Variants in KLHL42 observed in about 807,000 individuals in gnomAD.
KLHL42 encodes kelch-like protein 42.
KLHL42 carries 27 observed loss-of-function variants against 32.7 expected under a neutral mutation model. The observed-to-expected ratio is 0.83, with a 90% CI of 0.61 to 1.14. KLHL42 has a LOEUF of 1.14. Among genes scored for constraint, KLHL42 ranks in the 50% most tolerant of loss-of-function variants. KLHL42 has a pLI of 0.00. For missense variants in KLHL42, 491 were observed against 560.8 expected (o/e 0.88, Z 1.26); for synonymous variants, 267 against 248.2 (o/e 1.08, Z -0.71).
chr12:27,784,786 A>G (rs538710406), intron 1 of KLHL42, among the ~76,000 whole-genome samples: 1 of 152,224 alleles, frequency 6.6e-6, no homozygotes, highest in Non-Finnish European at 1.5e-5. Flanking sequence ...TTTTCCCCAA[A>G]CCTAATGGGC....
chr12:27,788,489 T>C (rs1187776928), intron 1 of KLHL42, among the ~76,000 whole-genome samples: 1 of 152,230 alleles, frequency 6.6e-6, no homozygotes, highest in Non-Finnish European at 1.5e-5. Flanking sequence ...CTACTGTTAA[T>C]CCTTGAGATC....
Position 27,797,783 on chromosome 12 carries a change from G to A in KLHL42, c.1135G>A (p.Val379Ile), listed in dbSNP as rs1482201859. Residue 379 changes from valine (V) to isoleucine (I), a missense_variant, in exon 3 of 3, where the codon GTC becomes ATC. Val to Ile is a conservative substitution (Grantham distance 29). Transcript: ENST00000381271. ...GTGGACGCTCTTTGAAACATGTGAC[G>A]TCCACATTCGCAAGCAGCAGATGGT... ...DMWTLFETCD[V>I]HIRKQQMVSV... The A allele has an allele frequency of 5.3e-6, 4 of 754,004 alleles. No homozygotes were observed. Among genetic ancestry groups the A allele is most frequent in the South Asian group, 1.4e-5 (1 of 70,814 alleles). 46.7% of individuals were successfully genotyped at this position (754,004 alleles called of 1,614,324 possible). A position where few individuals can be genotyped will look rare whatever the true frequency, so the allele number is the denominator to read the frequency against.
intron 2 of KLHL42, among the ~76,000 whole-genome samples, chr12:27,796,329 G>A (rs779266185): frequency 6.6e-6 from 1 of 152,144 alleles, no homozygotes; most frequent in African/African-American, 2.4e-5. Context: ...GAGAAAACGA[G>A]CTGTCTTCTC....
At chr12:27,794,316 G>C (rs1365747067) in intron 2 of KLHL42, among the ~76,000 whole-genome samples, 12 of 152,144 alleles carry the variant, frequency 7.9e-5, no homozygotes, top group Admixed American at 7.9e-4. Context: ...TCCTTGGCTG[G>C]TGGCTCCATG....
intron 2 of KLHL42, among the ~76,000 whole-genome samples, chr12:27,794,034 A>ATG (rs2062208817): frequency 6.6e-6 from 1 of 152,254 alleles, no homozygotes; most frequent in Admixed American, 6.5e-5. Context: ...AGAAGTTAAA[A>ATG]TGTAAAGTAT....
rs2062144436 is a variant in KLHL42, at chr12:27,780,906, G to C, written c.576G>C (p.Gly192=). The part of the protein sequence containing the change: ...KQRLREARMT[G]TPVLVALGDF... ...GGCTGAGGGAGGCCCGGATGACTGGGACTCCTGTCCTCGTGGCCCTCGGGG... is the reference window on the plus strand; with the variant it reads ...GGCTGAGGGAGGCCCGGATGACTGGCACTCCTGTCCTCGTGGCCCTCGGGG... The change falls in exon 1 of 3, where the codon GGG becomes GGC. Residue 192 remains glycine (G), a synonymous_variant. Coordinates refer to ENST00000381271, the MANE Select transcript of KLHL42 (RefSeq NM_020782.2). This position sits in a 1 kb window ranked among gnomAD's most constrained non-coding sequence, Gnocchi z 8.8. 1.2e-6 allele frequency: 2 copies of C among 1,609,542 alleles called. No individual in the cohort carries two copies. Among genetic ancestry groups the C allele is most frequent in the East Asian group, 4.5e-5 (2 of 44,712 alleles).
Position 27,780,678 on chromosome 12 carries a change from C to G in KLHL42, c.348C>G (p.Ser116=), listed in dbSNP as rs768351141. The G allele has an allele frequency of 3.1e-6, 5 of 1,601,594 alleles. No individual in the cohort carries two copies. In the Admixed American group the frequency reaches 5.0e-5, roughly 16 times the overall value. The change falls in exon 1 of 3, where the codon TCC becomes TCG. Residue 116 remains serine (S), a synonymous_variant. Coordinates refer to ENST00000381271, the MANE Select transcript of KLHL42 (RefSeq NM_020782.2). This position sits in a 1 kb window ranked among gnomAD's most constrained non-coding sequence, Gnocchi z 8.8. ...VEAASFLQVT[S]LLQLLLSQVR... ...CGGCCTCCTTCCTGCAGGTCACGTC[C>G]CTGCTGCAGCTGCTGCTGTCCCAGG...
chr12:27,793,342 T>C (rs1234304420), intron 2 of KLHL42, among the ~76,000 whole-genome samples: 5 of 151,746 alleles, frequency 3.3e-5, no homozygotes, highest in African/African-American at 1.2e-4. Context: ...GTGTTCAAGA[T>C]AGGCCTGGTC....
At chr12:27,788,763 C>T (rs150759339) in intron 1 of KLHL42, among the ~76,000 whole-genome samples, 1 of 152,186 alleles carries the variant, frequency 6.6e-6, no homozygotes, top group African/African-American at 2.4e-5. Flanking sequence ...TGGTTTTATC[C>T]AATTTTCTCA....
chr12:27,780,603 C>T lies in KLHL42; in HGVS notation c.273C>T (p.Asp91=), dbSNP rs777891990. 1.9e-6 allele frequency: 3 copies of T among 1,545,886 alleles called. No homozygotes were observed. Among genetic ancestry groups the T allele is most frequent in the Admixed American group, 2.0e-5 (1 of 50,736 alleles). ...GCGGGGAAAAGGGCGGCGGGGTGGA[C>T]GAGGACGAGGAGATGGATGAGGTGA... ...GPRGEKGGGV[D]EDEEMDEVSL... is the part of the protein sequence containing the mutation. Residue 91 remains aspartate (D), a synonymous_variant, in exon 1 of 3, where the codon GAC becomes GAT. Coordinates refer to ENST00000381271, the MANE Select transcript of KLHL42 (RefSeq NM_020782.2). The surrounding 1 kb of genome is among the most constrained non-coding windows in gnomAD (Gnocchi z 8.8).
intron 2 of KLHL42, among the ~76,000 whole-genome samples, chr12:27,796,825 G>T (rs979728256): frequency 6.6e-6 from 1 of 151,940 alleles, no homozygotes. Context: ...TTTAGAGACA[G>T]GAGGTCTCAC....
rs557821678 is a variant in KLHL42 at position 27,780,471 on chromosome 12, C to T, written c.141C>T (p.Gly47=). The change falls in exon 1 of 3, where the codon GGC becomes GGT. Residue 47 remains glycine (G), a synonymous_variant. Coordinates refer to ENST00000381271, the MANE Select transcript of KLHL42 (RefSeq NM_020782.2). This position sits in a 1 kb window ranked among gnomAD's most constrained non-coding sequence, Gnocchi z 8.8. ...GCGAGGCCCTGAGCCAGGAGGCCGG[C>T]GGCCCGGAGGTGCAGCAGCTGCGCG... The part of the protein sequence containing the change: ...GMREALSQEA[G]GPEVQQLRGL... 1 of 1,544,376 alleles carries T rather than the reference C, an allele frequency of 6.5e-7. No homozygotes were observed. The highest frequency in any genetic ancestry group is 8.7e-7 in the Non-Finnish European group (1 of 1,145,958).
chr12:27,789,455 T>C (rs1201050737), intron 1 of KLHL42, among the ~76,000 whole-genome samples: 2 of 152,226 alleles, frequency 1.3e-5, no homozygotes, highest in Admixed American at 6.5e-5. Flanking sequence ...TCAAGTGAAT[T>C]TGAGCGTGTT....
Position 27,791,699 on chromosome 12 carries a change from C to T in KLHL42, c.873-9C>T, listed in dbSNP as rs768697244. 1.6e-5 allele frequency: 25 copies of T among 1,611,444 alleles called. No homozygotes were observed. Among genetic ancestry groups the T allele is most frequent in the Non-Finnish European group, 2.0e-5 (24 of 1,177,602 alleles). On this transcript the variant is annotated splice_polypyrimidine_tract_variant and intron_variant, in intron 1 of 2. Coordinates refer to ENST00000381271, the MANE Select transcript of KLHL42 (RefSeq NM_020782.2). ...ACTAACTCTGTGGGCCTTTGTGTCT[C>T]TCTTTCAGGTCTAACTTCAAACTTG...
At position 27,780,443 on chromosome 12, in the gene KLHL42, T is replaced by G. The variant is rs1215585008; in HGVS notation, c.113T>G (p.Met38Arg). 6.5e-7 allele frequency: 1 copy of G among 1,548,846 alleles called. No individual in the cohort carries two copies. The highest frequency in any genetic ancestry group is 1.9e-5 in the Admixed American group (1 of 51,390). ...DYFRALYRSG[M>R]REALSQEAGG... The stretch of plus-strand genomic sequence containing the variant: ...TTCCGCGCCCTCTACCGCTCCGGCA[T>G]GCGCGAGGCCCTGAGCCAGGAGGCC... Residue 38 changes from methionine (M) to arginine (R), a missense_variant, in exon 1 of 3, where the codon ATG becomes AGG. This residue lies in a region of KLHL42 where 88 missense variants were observed against 89.0 expected (regional missense o/e 0.99). Transcript: ENST00000381271. The surrounding 1 kb of genome is among the most constrained non-coding windows in gnomAD (Gnocchi z 8.8).
At chr12:27,793,902 G>A (rs530530845) in intron 2 of KLHL42, among the ~76,000 whole-genome samples, 1 of 152,188 alleles carries the variant, frequency 6.6e-6, no homozygotes, top group African/African-American at 2.4e-5. Flanking sequence ...CTGTGAGGCC[G>A]CAGCAGCCAT....
Position 27,798,123 on chromosome 12 carries a change from TG to T in KLHL42, c.1476del (p.Leu492PhefsTer16). The T allele has an allele frequency of 1.3e-6, 1 of 780,882 alleles. No homozygotes were observed. Among genetic ancestry groups the T allele is most frequent in the Non-Finnish European group, 2.4e-6 (1 of 418,006 alleles). The allele number at this position is 780,882 out of a possible 1,614,324, so 48.4% of individuals were successfully genotyped here. A position where few individuals can be genotyped will look rare whatever the true frequency, so the allele number is the denominator to read the frequency against. ...CGTTTTCCAGCTTTTGGACATAACT[TG>T]CTGGTTTCTTCTCTTTATCTGCCCA... ...FRRFPAFGHN[L>X]LVSSLYLPNK... On this transcript the variant is annotated frameshift_variant, in exon 3 of 3. Transcript: ENST00000381271. LOFTEE classifies it high-confidence loss of function.
intron 1 of KLHL42, among the ~76,000 whole-genome samples, chr12:27,790,942 T>A (rs572376560): frequency 6.6e-6 from 1 of 152,280 alleles, no homozygotes; most frequent in South Asian, 2.1e-4. Flanking sequence ...ATACCTGTAG[T>A]CCAAGTTACT....
chr12:27,799,835 A>C lies in KLHL42; in HGVS notation c.*1669A>C. The C allele has an allele frequency of 3.7e-6, 1 of 270,522 alleles. No individual in the cohort carries two copies. The highest frequency in any genetic ancestry group is 5.7e-6 in the Non-Finnish European group (1 of 175,898). The allele number at this position is 270,522 out of a possible 1,614,324, so 16.8% of individuals were successfully genotyped here. ...TAGAAACAGATCTTTGTATCTTGTC[A>C]CCAAATAATCTTACCTCTAGTCTAC... On this transcript the variant is annotated 3_prime_UTR_variant, in exon 3 of 3. Coordinates refer to ENST00000381271, the MANE Select transcript of KLHL42 (RefSeq NM_020782.2).
Sources: gnomAD v4.1 joint callset for allele counts (sites outside exome capture counted in the v4.1 genomes callset) on GRCh38, gnomAD v4.1.1 for gene constraint, gnomAD v4.1.1 regional missense constraint, Gnocchi (gnomAD v3.1) non-coding constraint, MANE v1.5 for transcripts, NCBI Gene and HGNC (gene_info 2026-07-23, HGNC 2026-07-21) for gene names.